TTC17: variants seen among roughly 807,000 people sequenced by gnomAD.
The protein encoded by TTC17 is tetratricopeptide repeat protein 17.
In TTC17, 58 loss-of-function variants were observed where a neutral mutation model predicts 143.8. That is an observed-to-expected ratio of 0.40 (90% CI 0.33 to 0.50). The LOEUF (loss-of-function observed/expected upper bound fraction) is 0.50, where lower values mean the gene tolerates loss of function less well. TTC17 is among the 20% of genes least tolerant of loss of function. The probability of loss-of-function intolerance (pLI) is 0.49; values close to 1 mark genes in which losing one functional copy is unlikely to be tolerated. For synonymous variants in TTC17, 501 were observed against 497.8 expected (o/e 1.01, Z -0.09); for missense variants, 1,273 against 1,392.5 (o/e 0.91, Z 1.37).
intron 16 of TTC17, among the ~76,000 whole-genome samples, chr11:43,428,292 C>T (rs1947074949): frequency 6.7e-6 from 1 of 148,444 alleles, no homozygotes; most frequent in South Asian, 2.1e-4. Flanking sequence ...TGAAGTAAGC[C>T]AGAGATTTAA....
chr11:43,466,221 A>G (rs1298042225), intron 21 of TTC17, among the ~76,000 whole-genome samples: 1 of 152,320 alleles, frequency 6.6e-6, no homozygotes, highest in African/African-American at 2.4e-5. Context: ...TCAAACCACA[A>G]CGAGATATCA....
chr11:43,449,099 G>T (rs1947607360), intron 19 of TTC17: 1 of 152,374 alleles, frequency 6.6e-6, no homozygotes, highest in African/African-American at 2.4e-5. Flanking sequence ...CTCTTGCTCT[G>T]TTCACTCTTG....
At chr11:43,420,217 C>G (rs1946870331) in intron 16 of TTC17, among the ~76,000 whole-genome samples, 2 of 152,184 alleles carry the variant, frequency 1.3e-5, no homozygotes, top group South Asian at 2.1e-4. Context: ...AAAAGTGAGT[C>G]CTCTGTCTTC....
intron 15 of TTC17, 86 bp downstream of exon 15, chr11:43,407,663 C>T (rs1347801492): frequency 1.6e-6 from 2 of 1,271,892 alleles, no homozygotes; most frequent in Non-Finnish European, 2.2e-6. Context: ...CTAGGGAAAG[C>T]ATAAAAAATG....
intron 1 of TTC17, among the ~76,000 whole-genome samples, chr11:43,362,441 C>T (rs1856155141): frequency 6.6e-6 from 1 of 152,090 alleles, no homozygotes; most frequent in Non-Finnish European, 1.5e-5. Context: ...ATACCGCAGA[C>T]TTGTCAACAT....
At chr11:43,393,654 G>C (rs752468356) in intron 5 of TTC17, among the ~76,000 whole-genome samples, 9 of 152,166 alleles carry the variant, frequency 5.9e-5, no homozygotes, top group Non-Finnish European at 1.0e-4. Context: ...CTAACCCTCT[G>C]ATCATGCCTT....
Position 43,391,593 on chromosome 11 carries a change from A to C in TTC17, c.531+17A>C. ...CACTTGAGAGTAAGTAGAGAACTTT[A>C]GGATTTTTTTTTTTTTGCGTTGCGT... On this transcript the variant is annotated intron_variant, in intron 4 of 23. Transcript: ENST00000039989. 1 of 1,339,510 alleles carries C rather than the reference A, an allele frequency of 7.5e-7. No individual in the cohort carries two copies. Among genetic ancestry groups the C allele is most frequent in the Non-Finnish European group, 9.8e-7 (1 of 1,019,348 alleles). The allele number at this position is 1,339,510 out of a possible 1,614,324, so 83.0% of individuals were successfully genotyped here. A position where few individuals can be genotyped will look rare whatever the true frequency, so the allele number is the denominator to read the frequency against.
At chr11:43,446,656 C>G in intron 18 of TTC17, 1 of 984,956 alleles carries the variant, frequency 1.0e-6, no homozygotes. Context: ...TAAACCCCTG[C>G]CTGTACCTCA....
intron 16 of TTC17, among the ~76,000 whole-genome samples, chr11:43,426,217 A>G (rs1435857302): frequency 2.0e-5 from 3 of 152,196 alleles, no homozygotes; most frequent in African/African-American, 2.4e-5. Flanking sequence ...CACCCCTCTC[A>G]CAGTACACTG....
chr11:43,423,109 T>A (rs1336792059), intron 16 of TTC17, among the ~76,000 whole-genome samples: 2 of 152,156 alleles, frequency 1.3e-5, no homozygotes, highest in Admixed American at 1.3e-4. Flanking sequence ...TTGAAAGATG[T>A]GATGGTGGGA....
intron 21 of TTC17, among the ~76,000 whole-genome samples, chr11:43,476,803 C>G (rs1230212640): frequency 6.6e-6 from 1 of 151,590 alleles, no homozygotes; most frequent in African/African-American, 2.4e-5. Context: ...CTGATGTGGC[C>G]TGGAGACATC....
Position 43,435,557 on chromosome 11 carries a change from C to CTA in TTC17, c.2252-7765_2252-7764dup, listed in dbSNP as rs550528291. ...AAAGTCGCCATAGAGGTCATTCCCA[C>CTA]TATACATGCCGAAAGTTATTTTTAT... On this transcript the variant is annotated intron_variant, in intron 16 of 23. Transcript: ENST00000039989. 1.1e-4 allele frequency among the ~76,000 whole-genome samples: 16 copies of CTA among 152,336 alleles called. No homozygotes were observed. In the South Asian group the frequency reaches 1.9e-3, roughly 18 times the overall value.
At chr11:43,396,906 A>G in intron 6 of TTC17, 88 bp downstream of exon 6, 1 of 638,058 alleles carries the variant, frequency 1.6e-6, no homozygotes, top group Non-Finnish European at 2.5e-6. Flanking sequence ...AAGAAGCAAC[A>G]TTGCATTATA....
At chr11:43,385,066 A>G (rs764539225) in intron 2 of TTC17, among the ~76,000 whole-genome samples, 4 of 152,212 alleles carry the variant, frequency 2.6e-5, no homozygotes, top group Non-Finnish European at 4.4e-5. Context: ...CAAGACAGCA[A>G]AAACTAACAG....
At chr11:43,464,805 T>G (rs780417461) in intron 21 of TTC17, among the ~76,000 whole-genome samples, 4 of 152,130 alleles carry the variant, frequency 2.6e-5, no homozygotes, top group Non-Finnish European at 4.4e-5. Flanking sequence ...CAACAGCCTT[T>G]AAAAGTCATG....
At chr11:43,470,001 T>G (rs1948062537) in intron 21 of TTC17, among the ~76,000 whole-genome samples, 1 of 152,126 alleles carries the variant, frequency 6.6e-6, no homozygotes, top group Non-Finnish European at 1.5e-5. Context: ...AGGGTAAATG[T>G]TCGAGGAGAC....
chr11:43,406,716 G>A (rs1254161691), intron 13 of TTC17, among the ~76,000 whole-genome samples: 1 of 152,154 alleles, frequency 6.6e-6, no homozygotes, highest in Non-Finnish European at 1.5e-5. Flanking sequence ...CTGTGCCTTA[G>A]AGTTGTTTAC....
intron 1 of TTC17, among the ~76,000 whole-genome samples, chr11:43,378,373 A>G (rs1856838889): frequency 6.6e-6 from 1 of 152,206 alleles, no homozygotes; most frequent in Non-Finnish European, 1.5e-5. Flanking sequence ...CTGCTTCCTT[A>G]TGTAAAGCTC....
intron 15 of TTC17, among the ~76,000 whole-genome samples, chr11:43,412,729 C>G (rs985359665): frequency 7.2e-5 from 11 of 151,938 alleles, no homozygotes. Flanking sequence ...ATAAAATATT[C>G]AAAGATGTTA....
Sources: allele counts gnomAD v4.1 joint callset (sites outside exome capture counted in the v4.1 genomes callset), GRCh38; gene constraint gnomAD v4.1.1; transcripts MANE v1.5; gene names NCBI Gene and HGNC (gene_info 2026-07-23, HGNC 2026-07-21).